Variants in CCDC102B observed in about 807,000 individuals in gnomAD.
The protein encoded by CCDC102B is coiled-coil domain-containing protein 102B.
In CCDC102B, 75 loss-of-function variants were observed where a neutral mutation model predicts 57.4. That is an observed-to-expected ratio of 1.31 (90% CI 1.08 to 1.58). CCDC102B has a LOEUF of 1.58. CCDC102B is among the 40% of genes most tolerant of loss of function. The pLI, the probability that CCDC102B is intolerant of heterozygous loss-of-function variation, is 0.00. For synonymous variants in CCDC102B, 206 were observed against 201.9 expected (o/e 1.02, Z -0.17); for missense variants, 636 against 582.6 (o/e 1.09, Z -0.94).
chr18:68,757,945 A>C (rs1021325921), intron 2 of CCDC102B, among the ~76,000 whole-genome samples: 2 of 151,642 alleles, frequency 1.3e-5, no homozygotes. Context: ...GGTTAGAATT[A>C]ATTTACAAAA....
chr18:68,832,598 AG>A (rs1284594534), intron 1 of CCDC102B, among the ~76,000 whole-genome samples: 2 of 152,054 alleles, frequency 1.3e-5, no homozygotes, highest in Admixed American at 6.6e-5. Context: ...GGGATGAGGA[AG>A]GGGTTTTACT....
At chr18:68,904,584 T>G (rs1454819487) in intron 6 of CCDC102B, among the ~76,000 whole-genome samples, 1 of 152,178 alleles carries the variant, frequency 6.6e-6, no homozygotes, top group Non-Finnish European at 1.5e-5. Flanking sequence ...GTAGAAAGCA[T>G]GTACTGAAAG....
intron 2 of CCDC102B, among the ~76,000 whole-genome samples, chr18:68,772,074 A>T (rs1172049877): frequency 6.6e-6 from 1 of 152,184 alleles, no homozygotes; most frequent in African/African-American, 2.4e-5. Context: ...TAAATGTAAT[A>T]AAATGCAAAG....
At chr18:69,041,327 A>G (rs576338899) in intron 7 of CCDC102B, among the ~76,000 whole-genome samples, 1 of 152,160 alleles carries the variant, frequency 6.6e-6, no homozygotes, top group South Asian at 2.1e-4. Context: ...TATAAATTTT[A>G]CCAGTTCCCC....
At chr18:68,981,166 T>G (rs1568365898) in intron 6 of CCDC102B, among the ~76,000 whole-genome samples, 1 of 151,964 alleles carries the variant, frequency 6.6e-6, no homozygotes, top group African/African-American at 2.4e-5. Context: ...AATTAAAACT[T>G]ACAGATAGCA....
At position 68,837,109 on chromosome 18, in the gene CCDC102B, G is replaced by T. The variant is rs76140805; in HGVS notation, c.346G>T (p.Ala116Ser). 1.4e-4 allele frequency: 230 copies of T among 1,614,140 alleles called. No homozygotes were observed. The African/African-American group carries it at 2.9e-3, about 20-fold the overall frequency. The change falls in exon 2 of 8, where the codon GCC becomes TCC. Residue 116 changes from alanine (A) to serine (S), a missense_variant. Ala to Ser is a moderately conservative substitution (Grantham distance 99, BLOSUM62 1). Transcript: ENST00000360242. Reference protein sequence around the residue: ...WSKVRAERNSAREEGRQLRIK... With the variant: ...WSKVRAERNSSREEGRQLRIK... Reference sequence around the variant, plus strand: ...TAAAGTTCGAGCTGAAAGGAACAGTGCCAGGGAGGAAGGAAGACAACTCAG... The same window carrying T: ...TAAAGTTCGAGCTGAAAGGAACAGTTCCAGGGAGGAAGGAAGACAACTCAG...
intron 1 of CCDC102B, among the ~76,000 whole-genome samples, chr18:68,800,770 A>C (rs1284892928): frequency 1.3e-5 from 2 of 152,308 alleles, no homozygotes; most frequent in South Asian, 2.1e-4. Flanking sequence ...GCATTGTATA[A>C]GTTTCATTTC....
rs1343659094 is a variant in CCDC102B at position 68,972,297 on chromosome 18, C to A, written c.1264-38637C>A. Among the ~76,000 whole-genome samples, 3 of 152,160 alleles carry A rather than the reference C, an allele frequency of 2.0e-5. No individual in the cohort carries two copies. In the East Asian group the frequency reaches 5.8e-4, roughly 29 times the overall value. On this transcript the variant is annotated intron_variant, in intron 6 of 7. Coordinates refer to ENST00000360242, the MANE Select transcript of CCDC102B (RefSeq NM_024781.3). ...GCAGCAGGAATCAGGCATGTGCAGT[C>A]CCTGCCCTTTTTTTCCTTTCTGGTG...
chr18:68,840,214 A>C (rs1218358655), intron 3 of CCDC102B, among the ~76,000 whole-genome samples: 2 of 152,220 alleles, frequency 1.3e-5, no homozygotes, highest in Non-Finnish European at 2.9e-5. Context: ...AGGCAGAACC[A>C]GAAAAGCAAG....
At chr18:68,790,085 T>G (rs529853233) in intron 2 of CCDC102B, among the ~76,000 whole-genome samples, 1,632 of 142,514 alleles carry the variant, frequency 0.011, 53 homozygotes, top group African/African-American at 0.016. Flanking sequence ...TGGAATACCC[T>G]GCCATGTGAG....
chr18:68,974,652 G>A (rs1210829347), intron 6 of CCDC102B, among the ~76,000 whole-genome samples: 1 of 151,690 alleles, frequency 6.6e-6, no homozygotes. Flanking sequence ...TGACCATGAG[G>A]TTATACATAT....
At chr18:68,750,574 A>C (rs987908049) in intron 2 of CCDC102B, among the ~76,000 whole-genome samples, 1 of 152,162 alleles carries the variant, frequency 6.6e-6, no homozygotes, top group African/African-American at 2.4e-5. Context: ...GATAGACTGG[A>C]TTAAGAAAAT....
chr18:68,856,391 A>C (rs2038388050), intron 4 of CCDC102B, among the ~76,000 whole-genome samples: 1 of 152,138 alleles, frequency 6.6e-6, no homozygotes, highest in Admixed American at 6.6e-5. Context: ...CCCTGGCTCC[A>C]GTGATCCTCC....
intron 1 of CCDC102B, among the ~76,000 whole-genome samples, chr18:68,825,766 T>C (rs1189447061): frequency 6.6e-6 from 1 of 152,180 alleles, no homozygotes; most frequent in African/African-American, 2.4e-5. Context: ...AACATGTTCA[T>C]CTTTGCATAC....
At chr18:68,743,906 G>T (rs915002407) in intron 2 of CCDC102B, among the ~76,000 whole-genome samples, 1 of 152,068 alleles carries the variant, frequency 6.6e-6, no homozygotes, top group African/African-American at 2.4e-5. Flanking sequence ...GAGTGTGAGC[G>T]GAAAAAGAAA....
intron 6 of CCDC102B, among the ~76,000 whole-genome samples, chr18:68,961,043 CCTT>C (rs1050506766): frequency 2.0e-5 from 3 of 152,058 alleles, no homozygotes; most frequent in African/African-American, 7.2e-5. Flanking sequence ...GTAATTAACT[CCTT>C]CTTCCATGTC....
intron 2 of CCDC102B, among the ~76,000 whole-genome samples, chr18:68,731,113 A>G (rs573554003): frequency 1.1e-4 from 16 of 152,184 alleles, no homozygotes; most frequent in African/African-American, 3.4e-4. Flanking sequence ...CAGCTTCCCA[A>G]GTAGCTAGGA....
At chr18:68,891,309 A>G (rs189823234) in intron 5 of CCDC102B, among the ~76,000 whole-genome samples, 30 of 152,330 alleles carry the variant, frequency 2.0e-4, no homozygotes, top group Admixed American at 1.5e-3. Flanking sequence ...GTGGTTATGT[A>G]ATCAAATTGA....
At chr18:68,964,549 G>T in intron 6 of CCDC102B, among the ~76,000 whole-genome samples, 1 of 151,456 alleles carries the variant, frequency 6.6e-6, no homozygotes, top group African/African-American at 2.4e-5. Flanking sequence ...ATTATCTATT[G>T]GTTAAATTAA....
Sources: gnomAD v4.1 joint callset for allele counts (sites outside exome capture counted in the v4.1 genomes callset) on GRCh38, gnomAD v4.1.1 for gene constraint, MANE v1.5 for transcripts, NCBI Gene and HGNC (gene_info 2026-07-23, HGNC 2026-07-21) for gene names.